Variants in NAB1 observed in about 807,000 individuals in gnomAD.
NAB1 encodes the protein NGFI-A binding protein 1, also known as NGFI-A-binding protein 1.
NAB1 carries 25 observed loss-of-function variants against 49.9 expected under a neutral mutation model. The ratio of observed to expected loss-of-function variants is 0.50; its 90% CI spans 0.37 to 0.70. NAB1 has a LOEUF of 0.70. Ranked by LOEUF, NAB1 falls within the 30% of genes least tolerant of loss-of-function variation. The pLI is 0.00. For missense variants in NAB1, 489 were observed against 575.9 expected, an observed-to-expected ratio of 0.85 and a Z score of 1.54; for synonymous variants, 198 against 215.6, an observed-to-expected ratio of 0.92 and a Z score of 0.71.
rs1303820359 is a variant in NAB1 at position 190,680,922 on chromosome 2, T to C, written c.1006-2816T>C. On this transcript the variant is annotated intron_variant, in intron 6 of 9. Transcript: ENST00000337386. This position sits in a 1 kb window ranked among gnomAD's most constrained non-coding sequence, Gnocchi z 5.2. ...ATTTTTCATGAATTTTCTGCTTCCT[T>C]AAAATGATTCTGCAAGTTAAGTACT... 6.6e-6 allele frequency among the ~76,000 whole-genome samples: 1 copy of C among 152,196 alleles called. No homozygotes were observed. Among genetic ancestry groups the C allele is most frequent in the Admixed American group, 6.5e-5 (1 of 15,286 alleles).
intron 2 of NAB1, among the ~76,000 whole-genome samples, chr2:190,655,765 G>A (rs1693886840): frequency 6.6e-6 from 1 of 152,172 alleles, no homozygotes; most frequent in South Asian, 2.1e-4. Context: ...CGGTAGTTTT[G>A]TGGGCCAGAC....
rs1452331273 is a variant in NAB1 at position 190,663,713 on chromosome 2, CT to C, written c.819+3720del. ...GTTCTTATCTAACTTAATTTGGGTG[CT>C]TAGTTCATTAATTTTTAGTCATTCT... is the stretch of plus-strand genomic sequence containing the variant. On this transcript the variant is annotated intron_variant, in intron 4 of 9. Transcript: ENST00000337386. This position sits in a 1 kb window ranked among gnomAD's most constrained non-coding sequence, Gnocchi z 4.2. Among the ~76,000 whole-genome samples the C allele has an allele frequency of 2.6e-5, 4 of 152,088 alleles. No individual in the cohort carries two copies. The highest frequency in any genetic ancestry group is 9.7e-5 in the African/African-American group (4 of 41,398).
rs187218183 is a variant in NAB1, at chr2:190,657,733, G to A, written c.-19-1425G>A. On this transcript the variant is annotated intron_variant, in intron 3 of 9. Coordinates refer to ENST00000337386, the MANE Select transcript of NAB1 (RefSeq NM_005966.4). This position sits in a 1 kb window ranked among gnomAD's most constrained non-coding sequence, Gnocchi z 4.4. ...AGTGGTAGGGACACCCATTCTCCTG[G>A]CTTGGAGTGACTGAGACTAGAATTT... Among the ~76,000 whole-genome samples the A allele has an allele frequency of 6.4e-4, 97 of 152,300 alleles. No homozygotes were observed. Among genetic ancestry groups the A allele is most frequent in the Non-Finnish European group, 1.1e-3 (77 of 68,018 alleles).
intron 9 of NAB1, 45 bp from the exon 10 acceptor site, chr2:190,690,200 C>T (rs1411478768): frequency 1.5e-6 from 2 of 1,293,236 alleles, no homozygotes; most frequent in Non-Finnish European, 2.2e-6. Context: ...TTTTTGTAGT[C>T]CATTGATTAA....
Position 190,649,538 on chromosome 2 carries a change from C to T in NAB1, c.-334+178C>T, listed in dbSNP as rs998112511. The stretch of plus-strand genomic sequence containing the variant: ...CCGCCGCCGGAAGGAGAGGGCGGCC[C>T]CGGGCTCGTGTGGGCGATTCCCGGA... On this transcript the variant is annotated intron_variant, in intron 1 of 9. Transcript: ENST00000337386. This position sits in a 1 kb window ranked among gnomAD's most constrained non-coding sequence, Gnocchi z 6.1. The T allele has an allele frequency of 1.3e-5, 2 of 152,066 alleles. No individual in the cohort carries two copies. The highest frequency in any genetic ancestry group is 4.8e-5 in the African/African-American group (2 of 41,392). 9.4% of individuals were successfully genotyped at this position (152,066 alleles called of 1,614,324 possible). A position where few individuals can be genotyped will look rare whatever the true frequency, so the allele number is the denominator to read the frequency against.
intron 9 of NAB1, among the ~76,000 whole-genome samples, chr2:190,687,877 A>G (rs1329752624): frequency 1.3e-5 from 2 of 152,216 alleles, no homozygotes; most frequent in Non-Finnish European, 2.9e-5. Context: ...ATAATATGAA[A>G]TTGATGGACT....
rs1214212987 is a variant in NAB1, at chr2:190,654,634, A to C, written c.-196-1343A>C. 2.5e-5 allele frequency among the ~76,000 whole-genome samples: 2 copies of C among 81,460 alleles called. No homozygotes were observed. Among genetic ancestry groups the C allele is most frequent in the African/African-American group, 7.3e-5 (2 of 27,472 alleles). 53.4% of individuals were successfully genotyped at this position (81,460 alleles called of 152,430 possible). On this transcript the variant is annotated intron_variant, in intron 2 of 9. Coordinates refer to ENST00000337386, the MANE Select transcript of NAB1 (RefSeq NM_005966.4). The surrounding 1 kb of genome is among the most constrained non-coding windows in gnomAD (Gnocchi z 5.6). ...GGCTTGGGTCTGGGATGCCTATATG[A>C]GTAGTTTGGATTTCTTTCTCTGCAC... is the stretch of plus-strand genomic sequence containing the variant.
In NAB1 at chr2:190,674,107, A is replaced by G. The variant is rs1422739742; in HGVS notation, c.1005+955A>G. On this transcript the variant is annotated intron_variant, in intron 6 of 9. Coordinates refer to ENST00000337386, the MANE Select transcript of NAB1 (RefSeq NM_005966.4). The surrounding 1 kb of genome is among the most constrained non-coding windows in gnomAD (Gnocchi z 5.7). The stretch of plus-strand genomic sequence containing the variant: ...CTTTATTCATATCAAAGCCAGAGTT[A>G]TCTTATAAAAACATAAATCCCTTTC... Among the ~76,000 whole-genome samples the G allele has an allele frequency of 6.6e-6, 1 of 152,192 alleles. No individual in the cohort carries two copies. The highest frequency in any genetic ancestry group is 6.5e-5 in the Admixed American group (1 of 15,278).
At position 190,674,802 on chromosome 2, in the gene NAB1, A is replaced by G. The variant is rs751517923; in HGVS notation, c.1005+1650A>G. Among the ~76,000 whole-genome samples the G allele has an allele frequency of 2.6e-5, 4 of 152,202 alleles. No homozygotes were observed. Among genetic ancestry groups the G allele is most frequent in the Admixed American group, 2.6e-4 (4 of 15,278 alleles). On this transcript the variant is annotated intron_variant, in intron 6 of 9. Coordinates refer to ENST00000337386, the MANE Select transcript of NAB1 (RefSeq NM_005966.4). The surrounding 1 kb of genome is among the most constrained non-coding windows in gnomAD (Gnocchi z 5.7). The stretch of plus-strand genomic sequence containing the variant: ...ATGGTGGCTCACACCTATAATCCCA[A>G]CACTTCGGGAGGCCAAGACAGAAGG...
intron 5 of NAB1, among the ~76,000 whole-genome samples, chr2:190,672,373 TTG>T (rs1694855746): frequency 6.6e-6 from 1 of 152,214 alleles, no homozygotes; most frequent in East Asian, 1.9e-4. Context: ...AGTTGATGGC[TTG>T]TCATAGTTTA....
In NAB1 at chr2:190,678,775, C is replaced by T. The variant is rs759210321; in HGVS notation, c.1006-4963C>T. On this transcript the variant is annotated intron_variant, in intron 6 of 9. Coordinates refer to ENST00000337386, the MANE Select transcript of NAB1 (RefSeq NM_005966.4). This position sits in a 1 kb window ranked among gnomAD's most constrained non-coding sequence, Gnocchi z 4.9. ...TGAAAAGAAAGCTGGTCTAATTTGA[C>T]GTAGACTCTTCCCCTCTGGATCAGA... 6.6e-6 allele frequency among the ~76,000 whole-genome samples: 1 copy of T among 152,162 alleles called. No homozygotes were observed. The highest frequency in any genetic ancestry group is 1.5e-5 in the Non-Finnish European group (1 of 68,018).
rs1387314617 is a variant in NAB1 at position 190,678,175 on chromosome 2, A to G, written c.1005+5023A>G. On this transcript the variant is annotated intron_variant, in intron 6 of 9. Coordinates refer to ENST00000337386, the MANE Select transcript of NAB1 (RefSeq NM_005966.4). This position sits in a 1 kb window ranked among gnomAD's most constrained non-coding sequence, Gnocchi z 4.9. ...AATTAGTTTGATTTCCTTATGTCCT[A>G]CCTATGAAAGAACATATTTAAGGTG... is the stretch of plus-strand genomic sequence containing the variant. 6.6e-6 allele frequency among the ~76,000 whole-genome samples: 1 copy of G among 152,188 alleles called. No homozygotes were observed. The highest frequency in any genetic ancestry group is 2.4e-5 in the African/African-American group (1 of 41,450).
chr2:190,652,144 A>G lies in NAB1; in HGVS notation c.-197+2162A>G, dbSNP rs1574410412. Among the ~76,000 whole-genome samples the G allele has an allele frequency of 6.6e-6, 1 of 152,256 alleles. No homozygotes were observed. The highest frequency in any genetic ancestry group is 2.1e-4 in the South Asian group (1 of 4,838). On this transcript the variant is annotated intron_variant, in intron 2 of 9. Transcript: ENST00000337386. The surrounding 1 kb of genome is among the most constrained non-coding windows in gnomAD (Gnocchi z 4.2). Reference sequence around the variant, plus strand: ...TTTGACAAGTTGATGCTTGGAAAAAATAGTAATCCTCATCTTGTGAGAATT... The same window carrying G: ...TTTGACAAGTTGATGCTTGGAAAAAGTAGTAATCCTCATCTTGTGAGAATT...
rs554978794 is a variant in NAB1 at position 190,678,663 on chromosome 2, A to C, written c.1006-5075A>C. Among the ~76,000 whole-genome samples the C allele has an allele frequency of 1.3e-5, 2 of 150,642 alleles. No homozygotes were observed. The highest frequency in any genetic ancestry group is 4.3e-4 in the South Asian group (2 of 4,672). ...GAAAGACCTAAAGGAAACATCTGCT[A>C]GCAGTTCCAGCAAGGTGGGGGTGGG... On this transcript the variant is annotated intron_variant, in intron 6 of 9. Coordinates refer to ENST00000337386, the MANE Select transcript of NAB1 (RefSeq NM_005966.4). The surrounding 1 kb of genome is among the most constrained non-coding windows in gnomAD (Gnocchi z 4.9).
chr2:190,687,570 A>G (rs1230464934), intron 9 of NAB1, among the ~76,000 whole-genome samples: 1 of 152,150 alleles, frequency 6.6e-6, no homozygotes, highest in Non-Finnish European at 1.5e-5. Context: ...CCTTTGGTGT[A>G]ATGCAAATAG....
chr2:190,671,351 A>T (rs1574453091), intron 5 of NAB1, among the ~76,000 whole-genome samples: 2 of 152,184 alleles, frequency 1.3e-5, no homozygotes. Context: ...CATCATTACC[A>T]TTATTTTTCC....
rs112414896 is a variant in NAB1 at position 190,683,955 on chromosome 2, G to A, written c.1095+128G>A. 6,887 of 718,840 alleles carry A rather than the reference G, an allele frequency of 9.6e-3. 77 individuals are homozygous for A. Among genetic ancestry groups the A allele is most frequent in the Middle Eastern group, 0.027 (94 of 3,462 alleles). 44.5% of individuals were successfully genotyped at this position (718,840 alleles called of 1,614,324 possible). On this transcript the variant is annotated intron_variant, in intron 7 of 9. Coordinates refer to ENST00000337386, the MANE Select transcript of NAB1 (RefSeq NM_005966.4). ...TTTATTTCCGTTTGTTTTTTAAAACGTCATCTGAGCCACAGCTGTATCAAC... is the reference window on the plus strand; with the variant it reads ...TTTATTTCCGTTTGTTTTTTAAAACATCATCTGAGCCACAGCTGTATCAAC...
In NAB1 at chr2:190,659,100, G is replaced by A. The variant is rs1408969071; in HGVS notation, c.-19-58G>A. ...TAAAACCTGTAGTGTAACCTATTTG[G>A]TGTAAGGAGTTTGAAGCAAGTATGA... On this transcript the variant is annotated intron_variant, in intron 3 of 9. Coordinates refer to ENST00000337386, the MANE Select transcript of NAB1 (RefSeq NM_005966.4). This position sits in a 1 kb window ranked among gnomAD's most constrained non-coding sequence, Gnocchi z 6.2. The A allele has an allele frequency of 6.2e-6, 7 of 1,128,654 alleles. No individual in the cohort carries two copies. The highest frequency in any genetic ancestry group is 6.2e-6 in the Non-Finnish European group (5 of 802,222). 69.9% of individuals were successfully genotyped at this position (1,128,654 alleles called of 1,614,324 possible). A position where few individuals can be genotyped will look rare whatever the true frequency, so the allele number is the denominator to read the frequency against.
intron 2 of NAB1, among the ~76,000 whole-genome samples, chr2:190,653,155 T>C (rs906720745): frequency 6.6e-6 from 1 of 152,184 alleles, no homozygotes; most frequent in African/African-American, 2.4e-5. Context: ...CGTGTACCCA[T>C]TTCACCCTTC....
Sources: gnomAD v4.1 joint callset for allele counts (sites outside exome capture counted in the v4.1 genomes callset) on GRCh38, gnomAD v4.1.1 for gene constraint, Gnocchi (gnomAD v3.1) non-coding constraint, MANE v1.5 for transcripts, NCBI Gene and HGNC (gene_info 2026-07-23, HGNC 2026-07-21) for gene names.